The following DPP10 variants were observed in gnomAD, a reference collection of about 807,000 sequenced individuals.
DPP10 encodes dipeptidyl peptidase like 10, also known as inactive dipeptidyl peptidase 10.
In DPP10, 33 loss-of-function variants were observed where a neutral mutation model predicts 120.9. The ratio of observed to expected loss-of-function variants is 0.27; its 90% CI spans 0.21 to 0.37. The LOEUF is 0.37. DPP10 is among the 10% of genes least tolerant of loss of function. The pLI, the probability that DPP10 is intolerant of heterozygous loss-of-function variation, is 1.00. For synonymous variants in DPP10, 337 were observed against 326.1 expected (o/e 1.03, Z -0.36); for missense variants, 816 against 942.8 (o/e 0.87, Z 1.76).
chr2:115,688,833 T>C (rs2091152915), intron 5 of DPP10, among the ~76,000 whole-genome samples: 1 of 152,166 alleles, frequency 6.6e-6, no homozygotes, highest in African/African-American at 2.4e-5. Flanking sequence ...TTTTTAGATA[T>C]TACATACTTG....
intron 1 of DPP10, among the ~76,000 whole-genome samples, chr2:115,284,042 C>T (rs892780383): frequency 6.6e-6 from 1 of 152,062 alleles, no homozygotes; most frequent in South Asian, 2.1e-4. Flanking sequence ...GGTCCTTCAG[C>T]AATATATAAC....
At chr2:114,627,453 C>T (rs1462816175) in intron 1 of DPP10, among the ~76,000 whole-genome samples, 4 of 152,078 alleles carry the variant, frequency 2.6e-5, no homozygotes, top group African/African-American at 9.7e-5. Context: ...AATAAATCTT[C>T]CTGCAGATCT....
At chr2:114,541,088 G>C (rs904340715) in intron 1 of DPP10, among the ~76,000 whole-genome samples, 8 of 152,278 alleles carry the variant, frequency 5.3e-5, no homozygotes, top group Admixed American at 2.6e-4. Context: ...TTTCTTGAGG[G>C]AATTCTCTTG....
At chr2:115,515,947 C>G (rs1322874138) in intron 4 of DPP10, among the ~76,000 whole-genome samples, 1 of 152,072 alleles carries the variant, frequency 6.6e-6, no homozygotes, top group Non-Finnish European at 1.5e-5. Flanking sequence ...AATTCAGCCT[C>G]TATTTGGACA....
At position 114,696,736 on chromosome 2, in the gene DPP10, C is replaced by T. The variant is rs191498806; in HGVS notation, c.60+253898C>T. Reference sequence around the variant, plus strand: ...CCTAAACTCTGCGTGTGTGTGTGCGCGCGTGCCATAAAGCCAAGGTGGAGA... The same window carrying T: ...CCTAAACTCTGCGTGTGTGTGTGCGTGCGTGCCATAAAGCCAAGGTGGAGA... On this transcript the variant is annotated intron_variant, in intron 1 of 25. Transcript: ENST00000410059. Among the ~76,000 whole-genome samples the T allele has an allele frequency of 8.0e-3, 1,208 of 151,748 alleles. 15 individuals are homozygous for T. The highest frequency in any genetic ancestry group is 0.027 in the African/African-American group (1,133 of 41,378).
intron 1 of DPP10, among the ~76,000 whole-genome samples, chr2:114,566,035 A>G (rs1262783790): frequency 2.6e-5 from 4 of 152,258 alleles, no homozygotes; most frequent in African/African-American, 4.8e-5. Context: ...TAATTCAGAC[A>G]TATGAGAAAT....
At chr2:115,379,817 A>C (rs1222764023) in intron 3 of DPP10, among the ~76,000 whole-genome samples, 3 of 152,288 alleles carry the variant, frequency 2.0e-5, no homozygotes, top group South Asian at 4.1e-4. Flanking sequence ...TGTACCCAGT[A>C]GTCATTCAGG....
chr2:115,334,244 T>TTTTTTTTTTTTTTTTTTTTTTTTTG (rs2062980056), intron 2 of DPP10, among the ~76,000 whole-genome samples: 1 of 143,966 alleles, frequency 6.9e-6, no homozygotes, highest in Non-Finnish European at 1.5e-5. Flanking sequence ...TTTTTTTTTT[T>TTTTTTTTTTTTTTTTTTTTTTTTTG]TTAAGAAACC....
chr2:115,697,199 T>C (rs1181803283), intron 7 of DPP10, among the ~76,000 whole-genome samples: 1 of 151,896 alleles, frequency 6.6e-6, no homozygotes, highest in African/African-American at 2.4e-5. Context: ...AGAAAAGAAA[T>C]AGAAAAATCA....
At position 115,777,289 on chromosome 2, in the gene DPP10, A is replaced by G; in HGVS notation, c.1303A>G (p.Thr435Ala). 6.2e-7 allele frequency: 1 copy of G among 1,612,754 alleles called. No homozygotes were observed. The highest frequency in any genetic ancestry group is 8.5e-7 in the Non-Finnish European group (1 of 1,179,104). Residue 435 changes from threonine (T) to alanine (A), a missense_variant, in exon 14 of 26, where the codon ACT becomes GCT. Thr to Ala is a moderately conservative substitution (Grantham distance 58). Transcript: ENST00000410059. ...AAAGATCTTGGCATACGATGAAACT[A>G]CTCAAAAAATGTGAGTGTTTTCAGT... ...VIKILAYDET[T>A]QKIYFLSTES...
chr2:115,533,350 A>G (rs2078591029), intron 5 of DPP10, among the ~76,000 whole-genome samples: 3 of 152,206 alleles, frequency 2.0e-5, no homozygotes, highest in African/African-American at 4.8e-5. Context: ...TGTTAGTAGT[A>G]TCTGTCCTCT....
chr2:115,579,073 A>C (rs973177244), intron 5 of DPP10: 2 of 152,198 alleles, frequency 1.3e-5, no homozygotes, highest in Non-Finnish European at 2.9e-5. Context: ...AACTTATTTC[A>C]AGTCACACAA....
intron 3 of DPP10, among the ~76,000 whole-genome samples, chr2:115,411,093 G>T (rs1189431563): frequency 6.6e-6 from 1 of 152,160 alleles, no homozygotes; most frequent in Non-Finnish European, 1.5e-5. Context: ...ACTTTGGGAG[G>T]CCGAGGTGGT....
intron 1 of DPP10, among the ~76,000 whole-genome samples, chr2:114,860,203 C>G (rs1350113666): frequency 2.0e-5 from 3 of 152,276 alleles, no homozygotes; most frequent in African/African-American, 4.8e-5. Flanking sequence ...AATGTGGGCT[C>G]TATCTATCTT....
chr2:114,823,083 G>A (rs1004154209), intron 1 of DPP10, among the ~76,000 whole-genome samples: 8 of 152,020 alleles, frequency 5.3e-5, no homozygotes, highest in African/African-American at 1.7e-4. Flanking sequence ...CTACTCTACC[G>A]GTACCAATTT....
intron 1 of DPP10, among the ~76,000 whole-genome samples, chr2:114,997,974 G>C (rs1030535310): frequency 2.6e-5 from 4 of 152,046 alleles, no homozygotes; most frequent in African/African-American, 9.7e-5. Context: ...AAATAATTTT[G>C]TGCATGAAAC....
chr2:115,480,862 C>T (rs2075386826), intron 3 of DPP10, among the ~76,000 whole-genome samples: 1 of 152,128 alleles, frequency 6.6e-6, no homozygotes, highest in Non-Finnish European at 1.5e-5. Flanking sequence ...GATTCTTTAA[C>T]CCACTTTAGA....
intron 1 of DPP10, among the ~76,000 whole-genome samples, chr2:115,111,349 T>C (rs1324430841): frequency 6.6e-6 from 1 of 152,048 alleles, no homozygotes; most frequent in South Asian, 2.1e-4. Flanking sequence ...AGGACATTGA[T>C]TGGATTTTGT....
intron 1 of DPP10, among the ~76,000 whole-genome samples, chr2:115,211,210 T>A (rs974423598): frequency 2.0e-5 from 3 of 150,578 alleles, no homozygotes; most frequent in African/African-American, 7.3e-5. Context: ...TTGAGTTGCT[T>A]ACTTAGTTTC....
Sources: gnomAD v4.1 joint callset for allele counts (sites outside exome capture counted in the v4.1 genomes callset) on GRCh38, gnomAD v4.1.1 for gene constraint, MANE v1.5 for transcripts, NCBI Gene and HGNC (gene_info 2026-07-23, HGNC 2026-07-21) for gene names.